The following AKAP6 variants were observed in gnomAD, a reference collection of about 807,000 sequenced individuals.
AKAP6 encodes the protein A-kinase anchor protein 6.
In AKAP6, 58 loss-of-function variants were observed where a neutral mutation model predicts 188.5. The observed-to-expected ratio is 0.31, with a 90% CI of 0.25 to 0.38. The LOEUF (loss-of-function observed/expected upper bound fraction) is 0.38. Among genes scored for constraint, AKAP6 ranks in the 10% least tolerant of loss-of-function variants. AKAP6 has a pLI of 1.00. For missense variants in AKAP6, 2,710 were observed against 2,740.0 expected, an observed-to-expected ratio of 0.99 and a Z score of 0.24; for synonymous variants, 989 against 998.6, an observed-to-expected ratio of 0.99 and a Z score of 0.18.
intron 7 of AKAP6, among the ~76,000 whole-genome samples, chr14:32,635,425 A>G (rs924103857): frequency 3.9e-5 from 6 of 152,136 alleles, no homozygotes; most frequent in African/African-American, 1.4e-4. Context: ...ATCAATCACT[A>G]AAAAGAAAGG....
intron 2 of AKAP6, among the ~76,000 whole-genome samples, chr14:32,523,689 G>A (rs984672749): frequency 6.6e-6 from 1 of 150,862 alleles, no homozygotes; most frequent in African/African-American, 2.4e-5. Flanking sequence ...GACTGGTCTC[G>A]AGCTCCTGAG....
intron 1 of AKAP6, among the ~76,000 whole-genome samples, chr14:32,379,092 T>A (rs183771299): frequency 1.6e-3 from 246 of 152,194 alleles, no homozygotes; most frequent in African/African-American, 5.7e-3. Context: ...CTACTTTTTT[T>A]GTATTTTTAG....
At chr14:32,698,209 T>C (rs1022123442) in intron 9 of AKAP6, among the ~76,000 whole-genome samples, 1 of 152,128 alleles carries the variant, frequency 6.6e-6, no homozygotes, top group Non-Finnish European at 1.5e-5. Context: ...GAAAAATTGA[T>C]GAGAAGAATT....
At chr14:32,587,058 T>A (rs1885284318) in intron 5 of AKAP6, among the ~76,000 whole-genome samples, 1 of 152,262 alleles carries the variant, frequency 6.6e-6, no homozygotes, top group Non-Finnish European at 1.5e-5. Context: ...TTACATTTGT[T>A]GAACTTTGTC....
chr14:32,829,817 C>A, intron 13 of AKAP6, 31 bp from the exon 14 acceptor site: 1 of 687,638 alleles, frequency 1.5e-6, no homozygotes, highest in Non-Finnish European at 2.6e-6. Context: ...ATTTCTGAAA[C>A]CTTTTCTTGT....
intron 5 of AKAP6, among the ~76,000 whole-genome samples, chr14:32,596,387 G>C (rs1285721897): frequency 6.6e-6 from 1 of 152,144 alleles, no homozygotes; most frequent in Non-Finnish European, 1.5e-5. Context: ...CCAATAAGTA[G>C]TACATCCAGA....
At chr14:32,487,843 G>A (rs1031737161) in intron 2 of AKAP6, among the ~76,000 whole-genome samples, 1 of 152,218 alleles carries the variant, frequency 6.6e-6, no homozygotes, top group African/African-American at 2.4e-5. Context: ...GTCCACTCGA[G>A]ACCCTGTTTG....
intron 5 of AKAP6, among the ~76,000 whole-genome samples, chr14:32,591,627 C>T (rs1273431576): frequency 7.1e-6 from 1 of 140,140 alleles, no homozygotes; most frequent in Non-Finnish European, 1.5e-5. Flanking sequence ...ATTTTTTTGT[C>T]TTCATATCTC....
At chr14:32,797,117 T>TA (rs1242722567) in intron 12 of AKAP6, among the ~76,000 whole-genome samples, 1 of 151,908 alleles carries the variant, frequency 6.6e-6, no homozygotes, top group Non-Finnish European at 1.5e-5. Context: ...TTGTTAAAAA[T>TA]AAAAAAACAA....
chr14:32,647,795 C>A (rs1391222235), intron 7 of AKAP6, among the ~76,000 whole-genome samples: 1 of 152,122 alleles, frequency 6.6e-6, no homozygotes, highest in East Asian at 1.9e-4. Context: ...TAATTCTAGT[C>A]TGCCCAACTC....
intron 7 of AKAP6, among the ~76,000 whole-genome samples, chr14:32,612,210 T>C (rs12147120): frequency 0.31 from 46,874 of 151,408 alleles, 8,622 homozygotes; most frequent in East Asian, 0.73. Context: ...AGTTTCATCG[T>C]GGTTTTGAAT....
intron 1 of AKAP6, among the ~76,000 whole-genome samples, chr14:32,351,795 A>G (rs1433050209): frequency 2.6e-5 from 4 of 152,156 alleles, no homozygotes; most frequent in Admixed American, 2.6e-4. Context: ...ACACAATTAT[A>G]TCTATAAAAT....
At chr14:32,613,936 T>C (rs1402631371) in intron 7 of AKAP6, among the ~76,000 whole-genome samples, 1 of 152,180 alleles carries the variant, frequency 6.6e-6, no homozygotes, top group Non-Finnish European at 1.5e-5. Context: ...AAATGTATTT[T>C]TCAAAATTAT....
intron 12 of AKAP6, among the ~76,000 whole-genome samples, chr14:32,776,344 T>A (rs1566703286): frequency 6.6e-6 from 1 of 152,212 alleles, no homozygotes; most frequent in Non-Finnish European, 1.5e-5. Context: ...CTAGATCTGA[T>A]GGTTTTATAA....
At chr14:32,745,786 CAAGAGGTGCCTTCCAGGAGTCAGGG>C (rs1486087176) in intron 11 of AKAP6, among the ~76,000 whole-genome samples, 1 of 152,178 alleles carries the variant, frequency 6.6e-6, no homozygotes, top group South Asian at 2.1e-4. Flanking sequence ...CTGTTGGGTC[CAAGAGGTGCCTTCCAGGAGTCAGGG>C]ACTAGAGTTG....
At chr14:32,578,045 G>A (rs1278853320) in intron 5 of AKAP6, among the ~76,000 whole-genome samples, 4 of 152,018 alleles carry the variant, frequency 2.6e-5, no homozygotes, top group African/African-American at 9.7e-5. Context: ...ATTGACAAAG[G>A]CAATGAACAT....
intron 1 of AKAP6, among the ~76,000 whole-genome samples, chr14:32,409,585 G>A (rs757029421): frequency 6.6e-6 from 1 of 152,148 alleles, no homozygotes. Context: ...GAGGTTGACA[G>A]ATGGCTTCTG....
intron 2 of AKAP6, among the ~76,000 whole-genome samples, chr14:32,451,202 T>G (rs1366786261): frequency 2.0e-5 from 3 of 152,210 alleles, no homozygotes; most frequent in Non-Finnish European, 4.4e-5. Flanking sequence ...AAATAAGATA[T>G]TTTGTTGCTT....
intron 11 of AKAP6, among the ~76,000 whole-genome samples, chr14:32,754,500 T>C (rs1253937368): frequency 6.6e-6 from 1 of 152,208 alleles, no homozygotes. Context: ...TTATTACTTT[T>C]GTCTTTTACC....
Sources: gnomAD v4.1 joint callset for allele counts (sites outside exome capture counted in the v4.1 genomes callset) on GRCh38, gnomAD v4.1.1 for gene constraint, MANE v1.5 for transcripts, NCBI Gene and HGNC (gene_info 2026-07-23, HGNC 2026-07-21) for gene names.